The following MAD1L1 variants were observed in gnomAD, a reference collection of about 807,000 sequenced individuals.
MAD1L1 encodes mitotic arrest deficient 1 like 1, also known as mitotic spindle assembly checkpoint protein MAD1.
MAD1L1 carries 95 observed loss-of-function variants against 96.9 expected under a neutral mutation model. The observed-to-expected ratio is 0.98, with a 90% CI of 0.83 to 1.16. The LOEUF (loss-of-function observed/expected upper bound fraction) is 1.16. Ranked by LOEUF, MAD1L1 falls within the 50% of genes most tolerant of loss-of-function variation. The pLI is 0.00. For missense variants in MAD1L1, 1,007 were observed against 954.4 expected (o/e 1.06, Z -0.73); for synonymous variants, 473 against 396.6 (o/e 1.19, Z -2.29).
chr7:1,862,292 T>C, intron 18 of MAD1L1, among the ~76,000 whole-genome samples: 1 of 152,172 alleles, frequency 6.6e-6, no homozygotes, highest in East Asian at 1.9e-4. Flanking sequence ...AGGACTGAAA[T>C]ATCTCCAGAT....
chr7:1,996,302 G>A (rs1584027239), intron 14 of MAD1L1, among the ~76,000 whole-genome samples: 1 of 128,840 alleles, frequency 7.8e-6, no homozygotes, highest in Admixed American at 7.6e-5. Flanking sequence ...TGCTGGGCGG[G>A]CAGGGTCCCC....
At chr7:2,094,134 T>C (rs1786354294) in intron 11 of MAD1L1, among the ~76,000 whole-genome samples, 1 of 152,174 alleles carries the variant, frequency 6.6e-6, no homozygotes, top group Admixed American at 6.5e-5. Flanking sequence ...TCACAGCCCT[T>C]GCTGAGCTGC....
intron 11 of MAD1L1, among the ~76,000 whole-genome samples, chr7:2,113,400 C>T (rs1044488623): frequency 3.9e-5 from 6 of 151,974 alleles, no homozygotes; most frequent in South Asian, 2.1e-4. Context: ...ACTAACATGG[C>T]GAAACCCCCT....
chr7:2,069,018 G>A (rs1177385751), intron 12 of MAD1L1, among the ~76,000 whole-genome samples, 176 bp downstream of exon 12: 1 of 152,182 alleles, frequency 6.6e-6, no homozygotes, highest in Non-Finnish European at 1.5e-5. Context: ...CCCACAGGGA[G>A]CACCGGGGCT....
chr7:2,039,720 T>C (rs1783594193), intron 12 of MAD1L1, among the ~76,000 whole-genome samples: 1 of 152,206 alleles, frequency 6.6e-6, no homozygotes, highest in African/African-American at 2.4e-5. Flanking sequence ...GTTTTTCTAT[T>C]ACTGAGTTTT....
At chr7:1,821,596 G>A (rs1349561855) in intron 18 of MAD1L1, among the ~76,000 whole-genome samples, 1 of 152,038 alleles carries the variant, frequency 6.6e-6, no homozygotes, top group Non-Finnish European at 1.5e-5. Flanking sequence ...TGACCAAGTG[G>A]GATTCAGTTT....
At chr7:2,065,337 C>T (rs541916539) in intron 12 of MAD1L1, among the ~76,000 whole-genome samples, 2 of 152,344 alleles carry the variant, frequency 1.3e-5, no homozygotes, top group South Asian at 2.1e-4. Flanking sequence ...CAGCCGTGTC[C>T]AGGGTCCCAG....
At position 1,857,546 on chromosome 7, in the gene MAD1L1, C is replaced by G. The variant is rs963121035; in HGVS notation, c.1998+40654G>C. ...CCCCTCGCTGCCATCTTTTGAGTTT[C>G]TGCCCTGCTGCGGCTGGGATGAACG... is the stretch of plus-strand genomic sequence containing the variant. On this transcript the variant is annotated intron_variant, in intron 18 of 18. Transcript: ENST00000265854. Among the ~76,000 whole-genome samples the G allele has an allele frequency of 1.4e-4, 21 of 152,358 alleles. No homozygotes were observed. In the Middle Eastern group the frequency reaches 0.01, roughly 74 times the overall value.
chr7:1,958,289 C>T (rs1290612415), intron 15 of MAD1L1, among the ~76,000 whole-genome samples: 2 of 152,196 alleles, frequency 1.3e-5, no homozygotes, highest in African/African-American at 4.8e-5. Flanking sequence ...ACAAAACAAA[C>T]CTCCATGGCC....
intron 12 of MAD1L1, among the ~76,000 whole-genome samples, chr7:2,030,607 G>A (rs578207815): frequency 5.8e-4 from 88 of 152,324 alleles, no homozygotes; most frequent in African/African-American, 2.0e-3. Flanking sequence ...AGTGGAACCT[G>A]CCCATCTGCG....
At chr7:2,131,975 T>C (rs986610855) in intron 11 of MAD1L1, among the ~76,000 whole-genome samples, 1 of 152,192 alleles carries the variant, frequency 6.6e-6, no homozygotes, top group Non-Finnish European at 1.5e-5. Flanking sequence ...TGGTGAAAGA[T>C]GTGCCTCGTA....
At chr7:1,987,666 G>A (rs1355609249) in intron 14 of MAD1L1, among the ~76,000 whole-genome samples, 1 of 152,204 alleles carries the variant, frequency 6.6e-6, no homozygotes, top group Non-Finnish European at 1.5e-5. Flanking sequence ...CGCCGGGCCC[G>A]CACGGCAGGG....
intron 5 of MAD1L1, among the ~76,000 whole-genome samples, 154 bp downstream of exon 5, chr7:2,222,421 T>G (rs1584589315): frequency 1.3e-5 from 2 of 152,228 alleles, no homozygotes; most frequent in Middle Eastern, 3.4e-3. Context: ...GAATGGAAAA[T>G]TAATACTTCT....
chr7:1,856,832 C>G (rs1343441009), intron 18 of MAD1L1, among the ~76,000 whole-genome samples: 1 of 152,164 alleles, frequency 6.6e-6, no homozygotes, highest in African/African-American at 2.4e-5. Context: ...GGGACTCCTG[C>G]GGGCCTCTCC....
rs150037749 is a variant in MAD1L1, at chr7:2,137,165, A to G, written c.1073+11987T>C. Reference sequence around the variant, plus strand: ...AAGGAAACAGAAGTTCAGGGCACCAAAATACTTAGGGACCAACCCCAGCAA... The same window carrying G: ...AAGGAAACAGAAGTTCAGGGCACCAGAATACTTAGGGACCAACCCCAGCAA... On this transcript the variant is annotated intron_variant, in intron 11 of 18. Coordinates refer to ENST00000265854, the MANE Select transcript of MAD1L1 (RefSeq NM_001013836.2). Among the ~76,000 whole-genome samples, 182 of 152,346 alleles carry G rather than the reference A, an allele frequency of 1.2e-3. 1 individual carries two copies. The highest frequency in any genetic ancestry group is 4.0e-3 in the African/African-American group (165 of 41,574).
At chr7:2,156,196 G>A (rs1185264947) in intron 10 of MAD1L1, among the ~76,000 whole-genome samples, 1 of 147,368 alleles carries the variant, frequency 6.8e-6, no homozygotes, top group Non-Finnish European at 1.5e-5. Flanking sequence ...GTGGCGAGGG[G>A]AGCGGGCGCA....
intron 12 of MAD1L1, among the ~76,000 whole-genome samples, chr7:2,049,187 G>T (rs1422899182): frequency 6.6e-6 from 1 of 152,258 alleles, no homozygotes; most frequent in Non-Finnish European, 1.5e-5. Context: ...CAAAGGCAAA[G>T]AGAGGGAAAG....
At chr7:1,978,248 CTTCT>C (rs1177977602) in intron 15 of MAD1L1, among the ~76,000 whole-genome samples, 2 of 152,230 alleles carry the variant, frequency 1.3e-5, no homozygotes, top group African/African-American at 4.8e-5. Context: ...TGGGCCATTC[CTTCT>C]GTCTCACTAC....
At chr7:2,190,597 T>C (rs1291643223) in intron 10 of MAD1L1, among the ~76,000 whole-genome samples, 1 of 152,220 alleles carries the variant, frequency 6.6e-6, no homozygotes, top group Non-Finnish European at 1.5e-5. Context: ...TATAGTACTC[T>C]GCCAACTCAG....
Sources: gnomAD v4.1 joint callset for allele counts (sites outside exome capture counted in the v4.1 genomes callset) on GRCh38, gnomAD v4.1.1 for gene constraint, MANE v1.5 for transcripts, NCBI Gene and HGNC (gene_info 2026-07-23, HGNC 2026-07-21) for gene names.